The following SYT1 variants were observed in gnomAD, a reference collection of about 807,000 sequenced individuals.
The protein encoded by SYT1 is synaptotagmin 1, also known as synaptotagmin-1.
A neutral mutation model predicts 44.8 loss-of-function variants in SYT1; 8 were observed. That is an observed-to-expected ratio of 0.18 (90% confidence interval 0.10 to 0.32). SYT1 has a LOEUF of 0.32. Ranked by LOEUF, SYT1 falls within the 10% of genes least tolerant of loss-of-function variation. The pLI is 1.00. For missense variants in SYT1, 286 were observed against 509.3 expected (o/e 0.56, Z 4.22); for synonymous variants, 154 against 188.8 (o/e 0.82, Z 1.51).
At chr12:78,900,699 G>GA (rs1032894369) in intron 1 of SYT1, among the ~76,000 whole-genome samples, 1 of 152,064 alleles carries the variant, frequency 6.6e-6, no homozygotes, top group African/African-American at 2.4e-5. Context: ...GTAGGCCATG[G>GA]AAAGAACTGG....
chr12:79,234,261 A>T, intron 4 of SYT1, among the ~76,000 whole-genome samples: 1 of 152,070 alleles, frequency 6.6e-6, no homozygotes, highest in East Asian at 1.9e-4. Context: ...TCTCTGTTGA[A>T]CTCTCCTCTT....
At chr12:79,062,378 G>A (rs1326831451) in intron 3 of SYT1, among the ~76,000 whole-genome samples, 7 of 152,162 alleles carry the variant, frequency 4.6e-5, no homozygotes, top group Non-Finnish European at 1.0e-4. Flanking sequence ...CAAATAACTT[G>A]CATGTACAAT....
intron 4 of SYT1, among the ~76,000 whole-genome samples, chr12:79,257,272 G>C (rs1877572177): frequency 6.6e-6 from 1 of 152,160 alleles, no homozygotes; most frequent in Admixed American, 6.5e-5. Flanking sequence ...CAGCATGTTT[G>C]ATCACTGGAA....
intron 3 of SYT1, among the ~76,000 whole-genome samples, chr12:79,212,506 A>AC (rs1355026421): frequency 6.6e-6 from 1 of 151,874 alleles, no homozygotes; most frequent in Non-Finnish European, 1.5e-5. Flanking sequence ...ATGAAAAAAA[A>AC]AAAAAGAAAA....
At chr12:79,427,559 CATTT>C (rs1565953446) in intron 9 of SYT1, among the ~76,000 whole-genome samples, 1 of 152,152 alleles carries the variant, frequency 6.6e-6, no homozygotes, top group African/African-American at 2.4e-5. Flanking sequence ...GGGAAAAAGA[CATTT>C]ATAAGTCACA....
intron 3 of SYT1, among the ~76,000 whole-genome samples, chr12:79,047,582 G>A (rs1270368849): frequency 6.6e-6 from 1 of 151,714 alleles, no homozygotes; most frequent in Non-Finnish European, 1.5e-5. Context: ...CATTTATGGG[G>A]CAGAAAACGT....
intron 2 of SYT1, among the ~76,000 whole-genome samples, chr12:79,043,080 T>C (rs1873718391): frequency 6.7e-6 from 1 of 149,744 alleles, no homozygotes; most frequent in Non-Finnish European, 1.5e-5. Flanking sequence ...TGTGGTGTGG[T>C]GCTGAAAAAA....
intron 9 of SYT1, among the ~76,000 whole-genome samples, chr12:79,420,290 A>G (rs369391640): frequency 9.7e-4 from 147 of 152,238 alleles, no homozygotes; most frequent in African/African-American, 3.3e-3. Context: ...CCATGTTGGC[A>G]CTGTTAGACT....
At chr12:79,089,733 C>T (rs1322071076) in intron 3 of SYT1, among the ~76,000 whole-genome samples, 1 of 152,040 alleles carries the variant, frequency 6.6e-6, no homozygotes, top group East Asian at 1.9e-4. Flanking sequence ...CATTTTGTCT[C>T]ATACCAGAAT....
intron 4 of SYT1, among the ~76,000 whole-genome samples, chr12:79,267,813 C>T (rs1281540284): frequency 6.6e-6 from 1 of 152,172 alleles, no homozygotes; most frequent in African/African-American, 2.4e-5. Context: ...TATCTAAATC[C>T]TCTGAAAGTT....
Position 79,070,709 on chromosome 12 carries a change from T to C in SYT1, c.-18+23347T>C, listed in dbSNP as rs924156135. On this transcript the variant is annotated intron_variant, in intron 3 of 10. Transcript: ENST00000261205. ...ACATAAACACGGGAACAACAGATAC[T>C]GGGGATTACTGAAGAGGAAAGACAG... Among the ~76,000 whole-genome samples the C allele has an allele frequency of 3.3e-5, 5 of 152,052 alleles. No homozygotes were observed. The East Asian group carries it at 9.6e-4, about 29-fold the overall frequency.
At chr12:79,299,676 A>G (rs1592942718) in intron 8 of SYT1, 125 bp downstream of exon 8, 1 of 1,214,534 alleles carries the variant, frequency 8.2e-7, no homozygotes, top group East Asian at 2.6e-5. Flanking sequence ...GACAGCTGAT[A>G]AAATAGGGTC....
intron 9 of SYT1, among the ~76,000 whole-genome samples, chr12:79,433,887 G>C (rs1229782471): frequency 1.3e-5 from 2 of 152,108 alleles, no homozygotes; most frequent in Non-Finnish European, 2.9e-5. Context: ...CCCTCACACT[G>C]ATATGTCAAC....
intron 8 of SYT1, among the ~76,000 whole-genome samples, chr12:79,332,823 T>A (rs760455885): frequency 4.5e-4 from 68 of 152,140 alleles, no homozygotes; most frequent in Non-Finnish European, 4.6e-4. Flanking sequence ...GTGTCTACAT[T>A]TTCTACTTCA....
At chr12:79,176,349 G>A (rs1383536142) in intron 3 of SYT1, among the ~76,000 whole-genome samples, 1 of 151,692 alleles carries the variant, frequency 6.6e-6, no homozygotes, top group African/African-American at 2.4e-5. Context: ...TGTAAATGAT[G>A]GCAGTGTCTG....
intron 3 of SYT1, among the ~76,000 whole-genome samples, chr12:79,124,519 T>C (rs1592769468): frequency 6.6e-6 from 1 of 151,908 alleles, no homozygotes; most frequent in Non-Finnish European, 1.5e-5. Context: ...AATAACAGGG[T>C]ATTACTCTCA....
chr12:79,039,711 C>T lies in SYT1; in HGVS notation c.-83-7586C>T, dbSNP rs1441542693. ...TATGTATACATGTGCCATGCTGGTG[C>T]GCTGCACCCACTAACTGGTCATCTA... On this transcript the variant is annotated intron_variant, in intron 2 of 10. Coordinates refer to ENST00000261205, the MANE Select transcript of SYT1 (RefSeq NM_005639.3). Among the ~76,000 whole-genome samples, 677 of 149,370 alleles carry T rather than the reference C, an allele frequency of 4.5e-3. 4 individuals carry two copies. The highest frequency in any genetic ancestry group is 0.016 in the African/African-American group (638 of 40,582).
At chr12:78,907,902 G>A (rs1049186414) in intron 1 of SYT1, among the ~76,000 whole-genome samples, 1 of 151,972 alleles carries the variant, frequency 6.6e-6, no homozygotes, top group Non-Finnish European at 1.5e-5. Flanking sequence ...TTTATACTTT[G>A]AAGGTAATGA....
At chr12:79,372,323 A>G (rs977808357) in intron 9 of SYT1, among the ~76,000 whole-genome samples, 9 of 152,238 alleles carry the variant, frequency 5.9e-5, no homozygotes, top group Non-Finnish European at 1.3e-4. Flanking sequence ...AGTAAAGTGA[A>G]TTAAATTCAA....
Sources: allele counts gnomAD v4.1 joint callset (sites outside exome capture counted in the v4.1 genomes callset), GRCh38; gene constraint gnomAD v4.1.1; transcripts MANE v1.5; gene names NCBI Gene and HGNC (gene_info 2026-07-23, HGNC 2026-07-21).